Variants in RASAL2 observed in about 807,000 individuals in gnomAD.
The protein encoded by RASAL2 is RAS protein activator like 2.
Under a neutral mutation model 128.9 loss-of-function variants are expected in RASAL2, and 58 were observed. The ratio of observed to expected loss-of-function variants is 0.45; its 90% CI spans 0.36 to 0.56. RASAL2 has a LOEUF of 0.56. Ranked by LOEUF, RASAL2 falls within the 20% of genes least tolerant of loss-of-function variation. The pLI is 0.00. For missense variants in RASAL2, 1,360 were observed against 1,601.6 expected (o/e 0.85, Z 2.57); for synonymous variants, 561 against 580.8 (o/e 0.97, Z 0.49).
At chr1:178,244,388 G>A (rs560094916) in intron 1 of RASAL2, among the ~76,000 whole-genome samples, 18 of 152,084 alleles carry the variant, frequency 1.2e-4, no homozygotes, top group African/African-American at 4.3e-4. Context: ...GACTACAGGC[G>A]CGTGCCACCA....
chr1:178,351,443 C>T (rs1243815073), intron 3 of RASAL2, among the ~76,000 whole-genome samples: 1 of 152,110 alleles, frequency 6.6e-6, no homozygotes, highest in Admixed American at 6.5e-5. Context: ...TAGTTACTTC[C>T]AAGATACAAT....
At chr1:178,281,869 T>C (rs1020379820) in intron 1 of RASAL2, among the ~76,000 whole-genome samples, 9 of 152,166 alleles carry the variant, frequency 5.9e-5, no homozygotes, top group African/African-American at 2.2e-4. Flanking sequence ...GACATGGCTT[T>C]TAAATGTAGG....
At chr1:178,321,895 G>A (rs765672805) in intron 3 of RASAL2, among the ~76,000 whole-genome samples, 5 of 151,922 alleles carry the variant, frequency 3.3e-5, no homozygotes, top group East Asian at 1.9e-4. Context: ...GGCTGAGGCA[G>A]GAGAATTGCT....
chr1:178,126,394 A>G (rs1024058357), intron 1 of RASAL2, among the ~76,000 whole-genome samples: 1 of 152,228 alleles, frequency 6.6e-6, no homozygotes, highest in African/African-American at 2.4e-5. Context: ...GTTGACTAGC[A>G]AGGCAATCCT....
At chr1:178,459,208 T>G (rs896046550) in intron 14 of RASAL2, among the ~76,000 whole-genome samples, 1 of 152,186 alleles carries the variant, frequency 6.6e-6, no homozygotes, top group African/African-American at 2.4e-5. Context: ...ATATAAGTTT[T>G]TCTAATTTTT....
chr1:178,442,466 A>G (rs1676719904), intron 7 of RASAL2, among the ~76,000 whole-genome samples: 1 of 152,040 alleles, frequency 6.6e-6, no homozygotes, highest in Non-Finnish European at 1.5e-5. Flanking sequence ...TATATATAAT[A>G]TATATAATGA....
rs1046036618 is a variant in RASAL2, at chr1:178,349,317, C to T, written c.458-40783C>T. Among the ~76,000 whole-genome samples the T allele has an allele frequency of 6.8e-4, 102 of 149,520 alleles. 1 individual carries two copies. Among genetic ancestry groups the T allele is most frequent in the Admixed American group, 6.6e-4 (10 of 15,048 alleles). ...GCGCGCGCCTGTAGTCCCAGCTACTCGGGAGGCTGAGGCAGGGGAATCACT... is the reference window on the plus strand; with the variant it reads ...GCGCGCGCCTGTAGTCCCAGCTACTTGGGAGGCTGAGGCAGGGGAATCACT... On this transcript the variant is annotated intron_variant, in intron 3 of 17. Coordinates refer to ENST00000367649, the MANE Select transcript of RASAL2 (RefSeq NM_170692.4).
intron 3 of RASAL2, among the ~76,000 whole-genome samples, chr1:178,358,715 A>T (rs1670951868): frequency 6.6e-6 from 1 of 152,136 alleles, no homozygotes; most frequent in Non-Finnish European, 1.5e-5. Flanking sequence ...TGGTGGGAAA[A>T]AGTTTGGCAT....
intron 1 of RASAL2, among the ~76,000 whole-genome samples, chr1:178,179,592 G>A (rs768680172): frequency 5.9e-5 from 9 of 152,138 alleles, no homozygotes; most frequent in African/African-American, 4.8e-5. Context: ...GATGTAGATC[G>A]TTTGGAGGTG....
intron 3 of RASAL2, among the ~76,000 whole-genome samples, chr1:178,319,414 A>G (rs900294404): frequency 4.1e-4 from 62 of 151,744 alleles, no homozygotes; most frequent in Non-Finnish European, 7.1e-4. Context: ...CATTCTCCCC[A>G]TCACTTTCAG....
intron 3 of RASAL2, among the ~76,000 whole-genome samples, chr1:178,301,762 C>G (rs1220742198): frequency 6.6e-6 from 1 of 152,084 alleles, no homozygotes. Flanking sequence ...TTTCTAGGAA[C>G]CTTTCGCTCT....
intron 3 of RASAL2, among the ~76,000 whole-genome samples, chr1:178,348,260 C>T (rs1670254639): frequency 6.6e-6 from 1 of 152,128 alleles, no homozygotes; most frequent in Non-Finnish European, 1.5e-5. Flanking sequence ...TTGACCTGTA[C>T]ATATGTTATT....
chr1:178,412,311 T>C (rs1674443988), intron 4 of RASAL2, among the ~76,000 whole-genome samples: 1 of 152,204 alleles, frequency 6.6e-6, no homozygotes, highest in Admixed American at 6.5e-5. Context: ...TTAAAAAATA[T>C]GCATTTACTC....
intron 1 of RASAL2, among the ~76,000 whole-genome samples, chr1:178,239,776 C>T (rs1474964395): frequency 1.3e-5 from 2 of 151,886 alleles, no homozygotes; most frequent in Non-Finnish European, 2.9e-5. Context: ...TATGTGGACA[C>T]GTTAGGCACT....
chr1:178,280,497 A>G (rs1236296642), intron 1 of RASAL2, among the ~76,000 whole-genome samples: 1 of 152,098 alleles, frequency 6.6e-6, no homozygotes, highest in Admixed American at 6.5e-5. Flanking sequence ...TATAACCCAT[A>G]TAAACCCATA....
rs1658813665 is a variant in RASAL2, at chr1:178,099,506, C to G, written c.202+4812C>G. Among the ~76,000 whole-genome samples the G allele has an allele frequency of 3.3e-5, 5 of 152,274 alleles. No individual in the cohort carries two copies. In the South Asian group the frequency reaches 1.0e-3, roughly 32 times the overall value. Reference sequence around the variant, plus strand: ...GCTCTATTAATGTAGGTGATAGTTTCATTTATAACATCTTAGTATTGTTCT... The same window carrying G: ...GCTCTATTAATGTAGGTGATAGTTTGATTTATAACATCTTAGTATTGTTCT... On this transcript the variant is annotated intron_variant, in intron 1 of 17. Coordinates refer to ENST00000367649, the MANE Select transcript of RASAL2 (RefSeq NM_170692.4).
chr1:178,302,604 T>C (rs1667814846), intron 3 of RASAL2, among the ~76,000 whole-genome samples: 1 of 152,230 alleles, frequency 6.6e-6, no homozygotes, highest in African/African-American at 2.4e-5. Flanking sequence ...TCAAAATTTC[T>C]GTCCCCATCC....
At chr1:178,346,584 T>A (rs1358852177) in intron 3 of RASAL2, among the ~76,000 whole-genome samples, 1 of 152,176 alleles carries the variant, frequency 6.6e-6, no homozygotes, top group Non-Finnish European at 1.5e-5. Flanking sequence ...ATTGCTGAAA[T>A]TTTGAAATAT....
intron 1 of RASAL2, among the ~76,000 whole-genome samples, chr1:178,283,071 G>A (rs999620064): frequency 2.0e-5 from 3 of 152,222 alleles, no homozygotes; most frequent in East Asian, 1.9e-4. Context: ...GTGGTAATAC[G>A]ATGCTGTTGT....
Sources: gnomAD v4.1 joint callset for allele counts (sites outside exome capture counted in the v4.1 genomes callset) on GRCh38, gnomAD v4.1.1 for gene constraint, MANE v1.5 for transcripts, NCBI Gene and HGNC (gene_info 2026-07-23, HGNC 2026-07-21) for gene names.